GALNTL6: variants seen among roughly 807,000 people sequenced by gnomAD.
GALNTL6 encodes the protein polypeptide N-acetylgalactosaminyltransferase like 6.
GALNTL6 carries 46 observed loss-of-function variants against 73.7 expected under a neutral mutation model. That is an observed-to-expected ratio of 0.62 (90% CI 0.49 to 0.80). GALNTL6 has a LOEUF of 0.80. Ranked by LOEUF, GALNTL6 falls within the 30% of genes least tolerant of loss-of-function variation. The probability of loss-of-function intolerance (pLI) is 0.00; values close to 1 mark genes in which losing one functional copy is unlikely to be tolerated. For missense variants in GALNTL6, 604 were observed against 755.0 expected (o/e 0.80, Z 2.34); for synonymous variants, 259 against 263.7 (o/e 0.98, Z 0.17).
intron 2 of GALNTL6, among the ~76,000 whole-genome samples, chr4:172,036,260 T>C (rs1418883864): frequency 1.3e-5 from 2 of 152,118 alleles, no homozygotes; most frequent in Non-Finnish European, 2.9e-5. Flanking sequence ...GGTTTGGATT[T>C]TGGGTCTTGA....
At chr4:172,983,011 T>A (rs1018289958) in intron 10 of GALNTL6, among the ~76,000 whole-genome samples, 1 of 152,178 alleles carries the variant, frequency 6.6e-6, no homozygotes, top group Non-Finnish European at 1.5e-5. Context: ...AGGTGGATGA[T>A]GAGAAATTAG....
chr4:172,615,414 T>C (rs1446092654), intron 5 of GALNTL6, among the ~76,000 whole-genome samples: 1 of 152,142 alleles, frequency 6.6e-6, no homozygotes, highest in Non-Finnish European at 1.5e-5. Flanking sequence ...GCTGGGATAA[T>C]ACACCAAGGA....
intron 2 of GALNTL6, among the ~76,000 whole-genome samples, chr4:172,177,285 T>G (rs1409940191): frequency 6.6e-6 from 1 of 152,184 alleles, no homozygotes; most frequent in African/African-American, 2.4e-5. Flanking sequence ...ATTCATTTAC[T>G]GAGATGTGTA....
At chr4:172,778,952 CT>C (rs1739223964) in intron 5 of GALNTL6, among the ~76,000 whole-genome samples, 1 of 146,888 alleles carries the variant, frequency 6.8e-6, no homozygotes, top group Non-Finnish European at 1.6e-5. Flanking sequence ...TGCTGCTTTT[CT>C]TTTTTACTAC....
At chr4:172,387,356 C>G (rs1014142139) in intron 5 of GALNTL6, among the ~76,000 whole-genome samples, 6 of 152,142 alleles carry the variant, frequency 3.9e-5, no homozygotes, top group Admixed American at 1.3e-4. Flanking sequence ...AATGAAATCA[C>G]TAAGTTTTTG....
chr4:171,969,831 A>G (rs1313938680), intron 2 of GALNTL6, among the ~76,000 whole-genome samples: 1 of 150,086 alleles, frequency 6.7e-6, no homozygotes, highest in Non-Finnish European at 1.5e-5. Context: ...GGGCAGTGGC[A>G]CAATCTCTGC....
intron 5 of GALNTL6, among the ~76,000 whole-genome samples, chr4:172,480,358 C>T (rs1229069096): frequency 6.6e-6 from 1 of 152,006 alleles, no homozygotes; most frequent in African/African-American, 2.4e-5. Flanking sequence ...CTTTAGTGGC[C>T]TCTGGTCTTT....
At chr4:172,944,108 T>A (rs1749042256) in intron 9 of GALNTL6, among the ~76,000 whole-genome samples, 1 of 152,094 alleles carries the variant, frequency 6.6e-6, no homozygotes, top group African/African-American at 2.4e-5. Context: ...TATGACACCA[T>A]AGAAAAAAAT....
intron 5 of GALNTL6, among the ~76,000 whole-genome samples, chr4:172,556,659 T>G (rs1365491165): frequency 6.6e-6 from 1 of 151,754 alleles, no homozygotes; most frequent in Non-Finnish European, 1.5e-5. Context: ...ATTGCTACAA[T>G]TCTCCTAAAA....
Position 172,931,208 on chromosome 4 carries a change from T to C in GALNTL6, c.1089T>C (p.Val363=). Reference sequence around the variant, plus strand: ...TGTTTGATGTTCCATGTTCTAGAGTTGGTCATATCTACAGGAAGTACGTTC... The same window carrying C: ...TGTTTGATGTTCCATGTTCTAGAGTCGGTCATATCTACAGGAAGTACGTTC... ...GEMFDVPCSR[V]GHIYRKYVPY... The change falls in exon 9 of 13, where the codon GTT becomes GTC. Residue 363 remains valine, a synonymous_variant. Transcript: ENST00000506823. The C allele has an allele frequency of 6.2e-7, 1 of 1,612,948 alleles. No individual in the cohort carries two copies. Among genetic ancestry groups the C allele is most frequent in the South Asian group, 1.1e-5 (1 of 91,060 alleles).
chr4:172,217,196 A>T (rs960120550), intron 2 of GALNTL6, among the ~76,000 whole-genome samples: 1 of 152,174 alleles, frequency 6.6e-6, no homozygotes, highest in Non-Finnish European at 1.5e-5. Context: ...AAAAAGATCT[A>T]GCAATGTTAA....
chr4:172,913,918 G>A (rs1747355822), intron 8 of GALNTL6, among the ~76,000 whole-genome samples: 4 of 152,052 alleles, frequency 2.6e-5, no homozygotes, highest in Admixed American at 1.3e-4. Context: ...CTCAAGAAGA[G>A]CAACCCCAAG....
intron 5 of GALNTL6, among the ~76,000 whole-genome samples, chr4:172,429,609 A>G (rs905797314): frequency 1.3e-5 from 2 of 152,198 alleles, no homozygotes; most frequent in Admixed American, 6.5e-5. Flanking sequence ...ACATCAGGCA[A>G]TCTTTCTATC....
intron 10 of GALNTL6, among the ~76,000 whole-genome samples, chr4:172,981,794 G>A (rs917976350): frequency 6.6e-5 from 9 of 135,684 alleles, no homozygotes; most frequent in African/African-American, 1.4e-4. Context: ...TAGTATGAAC[G>A]TCTTTTTTTT....
chr4:172,715,464 A>G (rs78519858), intron 5 of GALNTL6, among the ~76,000 whole-genome samples: 2,192 of 152,298 alleles, frequency 0.014, 71 homozygotes, highest in African/African-American at 0.049. Context: ...GTGAAAGGAA[A>G]TAAGATTTGT....
At position 172,504,166 on chromosome 4, in the gene GALNTL6, A is replaced by AAAAAAAAAAAAAC. The variant is rs1367514455; in HGVS notation, c.553+155489_553+155490insCAAAAAAAAAAAA. Among the ~76,000 whole-genome samples the AAAAAAAAAAAAAC allele has an allele frequency of 9.7e-5, 4 of 41,224 alleles. 2 individuals carry two copies. The highest frequency in any genetic ancestry group is 2.1e-4 in the Non-Finnish European group (4 of 19,430). The allele number at this position is 41,224 out of a possible 152,430, so 27.0% of individuals were successfully genotyped here. A position where few individuals can be genotyped will look rare whatever the true frequency, so the allele number is the denominator to read the frequency against. The stretch of plus-strand genomic sequence containing the variant: ...CAGAGCGAGACTCTGTCTCAAAAAA[A>AAAAAAAAAAAAAC]AAAAAAAAAAAAACTCACACCTTGT... On this transcript the variant is annotated intron_variant, in intron 5 of 12. Coordinates refer to ENST00000506823, the MANE Select transcript of GALNTL6 (RefSeq NM_001034845.3).
At chr4:172,062,098 C>T (rs1731222444) in intron 2 of GALNTL6, among the ~76,000 whole-genome samples, 1 of 151,688 alleles carries the variant, frequency 6.6e-6, no homozygotes, top group South Asian at 2.1e-4. Context: ...TACAGGTGCA[C>T]ACCACCATGC....
At chr4:172,380,115 C>T (rs978565574) in intron 5 of GALNTL6, 2 of 1,000,836 alleles carry the variant, frequency 2.0e-6, no homozygotes, top group African/African-American at 3.2e-5. Context: ...TGCTCCTCTG[C>T]ATCATTTGCT....
intron 8 of GALNTL6, among the ~76,000 whole-genome samples, chr4:172,899,094 A>G (rs948745521): frequency 2.6e-5 from 4 of 152,196 alleles, no homozygotes; most frequent in Admixed American, 2.0e-4. Flanking sequence ...GGAATAGCTC[A>G]TTCAGGGAGC....
Sources: gnomAD v4.1 joint callset for allele counts (sites outside exome capture counted in the v4.1 genomes callset) on GRCh38, gnomAD v4.1.1 for gene constraint, MANE v1.5 for transcripts, NCBI Gene and HGNC (gene_info 2026-07-23, HGNC 2026-07-21) for gene names.